Variants in MORC4 observed in about 807,000 individuals in gnomAD.
MORC4 encodes MORC family CW-type zinc finger protein 4.
A neutral mutation model predicts 65.5 loss-of-function variants in MORC4; 22 were observed. The ratio of observed to expected loss-of-function variants is 0.34; its 90% CI spans 0.24 to 0.48. MORC4 has a LOEUF of 0.48. MORC4 is among the 20% of genes least tolerant of loss of function. The pLI, the probability that MORC4 is intolerant of heterozygous loss-of-function variation, is 0.99. For synonymous variants in MORC4, 267 were observed against 255.8 expected, an observed-to-expected ratio of 1.04 and a Z score of -0.42; for missense variants, 624 against 703.0, an observed-to-expected ratio of 0.89 and a Z score of 1.27.
intron 2 of MORC4, among the ~76,000 whole-genome samples, chrX:106,995,283 T>G (rs1935056943): frequency 9.0e-6 from 1 of 111,397 alleles, no homozygotes; most frequent in African/African-American, 3.3e-5. Context: ...TTAACTTTCC[T>G]GAAGCACAGC....
chrX:106,964,569 G>A (rs1934328809), intron 9 of MORC4, among the ~76,000 whole-genome samples: 1 of 111,985 alleles, frequency 8.9e-6, no homozygotes, highest in African/African-American at 3.2e-5. Context: ...CTCAGACCCA[G>A]ACACACTGTA....
chrX:106,958,466 T>C lies in MORC4; in HGVS notation c.1257-2A>G. On this transcript the variant is annotated splice_acceptor_variant, in intron 10 of 16. Coordinates refer to ENST00000355610, the MANE Select transcript of MORC4 (RefSeq NM_024657.5). LOFTEE classifies it high-confidence loss of function. ...ACCCATGTCTGGTCAGGAACCTTCC[T>C]GAATGAAGGAAAATGGAAGTGTGAC... 1 of 1,201,305 alleles carries C rather than the reference T, an allele frequency of 8.3e-7. No individual in the cohort carries two copies.
chrX:106,945,883 C>T (rs1933814359), intron 14 of MORC4, among the ~76,000 whole-genome samples: 1 of 111,762 alleles, frequency 8.9e-6, no homozygotes, highest in Non-Finnish European at 1.9e-5. Flanking sequence ...AAAATGCTTT[C>T]TCAGAGGCTT....
chrX:106,975,301 C>A (rs1266289675), intron 9 of MORC4, among the ~76,000 whole-genome samples: 1 of 111,606 alleles, frequency 9.0e-6, no homozygotes, highest in East Asian at 2.8e-4. Context: ...AAACTAATGT[C>A]ATTCCTAAGC....
chrX:106,960,490 TTG>T (rs1294414718), intron 10 of MORC4, among the ~76,000 whole-genome samples: 1 of 111,927 alleles, frequency 8.9e-6, no homozygotes, highest in Non-Finnish European at 1.9e-5. Context: ...CACTTGCTGC[TTG>T]TCTAACCTTA....
intron 13 of MORC4, 112 bp from the exon 14 acceptor site, chrX:106,955,200 GT>G: frequency 5.4e-6 from 3 of 551,793 alleles, no homozygotes; most frequent in Non-Finnish European, 8.5e-6. Flanking sequence ...AAAAGAAACT[GT>G]TTCCTACACA....
intron 7 of MORC4, 78 bp from the exon 8 acceptor site, chrX:106,978,277 C>A (rs750922210): frequency 8.1e-6 from 8 of 991,571 alleles, no homozygotes; most frequent in Non-Finnish European, 1.1e-5. Context: ...ATAGCAAAAA[C>A]CATCAAATAC....
At chrX:106,985,662 T>G (rs1319474805) in intron 4 of MORC4, among the ~76,000 whole-genome samples, 1 of 106,192 alleles carries the variant, frequency 9.4e-6, no homozygotes, top group Admixed American at 9.9e-5. Context: ...TTAATGCAAA[T>G]GTAGCTATCC....
intron 16 of MORC4, 142 bp from the exon 17 acceptor site, chrX:106,941,774 C>A (rs1161452867): frequency 7.4e-6 from 6 of 808,333 alleles, no homozygotes; most frequent in African/African-American, 4.2e-5. Flanking sequence ...CACAACGCCA[C>A]CAAGCACAGG....
In MORC4 at chrX:106,942,496, G is replaced by A. The variant is rs1253152332; in HGVS notation, c.2376+19C>T. On this transcript the variant is annotated intron_variant, in intron 15 of 16. Transcript: ENST00000355610. ...GTTACTATGGTCTCTTATTCCTAGTGGTGAGGTATTACCCTAACCTTTTGC... is the reference window on the plus strand; with the variant it reads ...GTTACTATGGTCTCTTATTCCTAGTAGTGAGGTATTACCCTAACCTTTTGC... 8.5e-7 allele frequency: 1 copy of A among 1,178,065 alleles called. No homozygotes were observed. Among genetic ancestry groups the A allele is most frequent in the Non-Finnish European group, 1.1e-6 (1 of 871,899 alleles).
rs531297941 is a variant in MORC4 at position 106,975,434 on chromosome X, A to G, written c.1157+1150T>C. Among the ~76,000 whole-genome samples, 35 of 111,486 alleles carry G rather than the reference A, an allele frequency of 3.1e-4. No homozygotes were observed. The South Asian group carries it at 0.013, about 43-fold the overall frequency. ...TAACCACTGAGTAGCCCAAGTAACC[A>G]TGAACCAATTACCCTGAAATTAATT... On this transcript the variant is annotated intron_variant, in intron 9 of 16. Coordinates refer to ENST00000355610, the MANE Select transcript of MORC4 (RefSeq NM_024657.5).
intron 16 of MORC4, 55 bp from the exon 17 acceptor site, chrX:106,941,687 C>G: frequency 1.8e-6 from 2 of 1,120,716 alleles, no homozygotes; most frequent in East Asian, 6.0e-5. Flanking sequence ...CATTAACCAA[C>G]AGAATAAAAT....
intron 16 of MORC4, 131 bp downstream of exon 16, chrX:106,941,807 G>T: frequency 1.2e-6 from 1 of 844,806 alleles, no homozygotes; most frequent in Non-Finnish European, 1.7e-6. Context: ...AGCTTTCTAA[G>T]AAGTAATTAC....
Position 106,941,356 on chromosome X carries a change from G to A in MORC4, c.*123C>T. 1 of 470,879 alleles carries A rather than the reference G, an allele frequency of 2.1e-6. No individual in the cohort carries two copies. 38.8% of individuals were successfully genotyped at this position (470,879 alleles called of 1,213,427 possible). On this transcript the variant is annotated 3_prime_UTR_variant, in exon 17 of 17. Transcript: ENST00000355610. ...TTTACACAGAGATTCTCTATATAAG[G>A]CATAAAGGTGAGGGTGAGAGAGAGA...
At chrX:106,964,900 G>A (rs1383837018) in intron 9 of MORC4, among the ~76,000 whole-genome samples, 1 of 109,867 alleles carries the variant, frequency 9.1e-6, no homozygotes, top group Non-Finnish European at 1.9e-5. Context: ...TCCCAGCTAC[G>A]TGGGAGGCTG....
At chrX:106,985,340 A>G in intron 4 of MORC4, 97 bp from the exon 5 acceptor site, 2 of 590,824 alleles carry the variant, frequency 3.4e-6, no homozygotes, top group Non-Finnish European at 2.6e-6. Flanking sequence ...AAAACTATAG[A>G]CATACAGCAT....
chrX:106,949,647 T>A (rs1933928081), intron 14 of MORC4, among the ~76,000 whole-genome samples: 1 of 112,671 alleles, frequency 8.9e-6, no homozygotes, highest in South Asian at 3.6e-4. Context: ...AGATTTTTTT[T>A]CTTGATTTTA....
Position 106,942,636 on chromosome X carries a change from T to C in MORC4, c.2255A>G (p.Tyr752Cys). ...TGTATTATGACCTTCGCTCTCCTCA[T>C]AGCCTCTTGCTTTCTCCCCAATGGC... Reference protein sequence around the residue: ...AAAIGEKARGYEESEGHNTPK... With the variant: ...AAAIGEKARGCEESEGHNTPK... Residue 752 changes from tyrosine (Y) to cysteine (C), a missense_variant, in exon 15 of 17, where the codon TAT (tyrosine) becomes TGT (cysteine). Tyr to Cys is a radical substitution (Grantham distance 194, BLOSUM62 -2). Transcript: ENST00000355610. 2 of 1,211,559 alleles carry C rather than the reference T, an allele frequency of 1.7e-6. No individual in the cohort carries two copies. The highest frequency in any genetic ancestry group is 1.7e-5 in the African/African-American group (1 of 57,770).
chrX:106,957,865 G>T (rs1222488971), intron 11 of MORC4, among the ~76,000 whole-genome samples: 1 of 111,740 alleles, frequency 8.9e-6, no homozygotes, highest in Non-Finnish European at 1.9e-5. Flanking sequence ...ATCTCTTGAA[G>T]AGCCAAAGCT....
Sources: allele counts gnomAD v4.1 joint callset (sites outside exome capture counted in the v4.1 genomes callset), GRCh38; gene constraint gnomAD v4.1.1; transcripts MANE v1.5; gene names NCBI Gene and HGNC (gene_info 2026-07-23, HGNC 2026-07-21).